Variants in FBXO11 observed in about 807,000 individuals in gnomAD.
FBXO11 encodes F-box only protein 11.
A neutral mutation model predicts 117.0 loss-of-function variants in FBXO11; 13 were observed. That is an observed-to-expected ratio of 0.11 (90% CI 0.07 to 0.18). FBXO11 has a LOEUF of 0.18. Ranked by LOEUF, FBXO11 falls within the 10% of genes least tolerant of loss-of-function variation. The probability of loss-of-function intolerance (pLI) is 1.00; values close to 1 mark genes in which losing one functional copy is unlikely to be tolerated. For missense variants in FBXO11, 767 were observed against 1,164.4 expected, an observed-to-expected ratio of 0.66 and a Z score of 4.97; for synonymous variants, 490 against 380.5, an observed-to-expected ratio of 1.29 and a Z score of -3.35.
chr2:47,862,776 CG>C (rs1674875575), intron 1 of FBXO11, among the ~76,000 whole-genome samples: 1 of 152,074 alleles, frequency 6.6e-6, no homozygotes, highest in Non-Finnish European at 1.5e-5. Flanking sequence ...CGTTTTCAGC[CG>C]GGCGTGGTGG....
chr2:47,856,043 C>A (rs1038792562), intron 1 of FBXO11, among the ~76,000 whole-genome samples: 1 of 152,084 alleles, frequency 6.6e-6, no homozygotes, highest in Non-Finnish European at 1.5e-5. Context: ...CCTAAGAGTT[C>A]GAGGCTGCAG....
intron 15 of FBXO11, 22 bp from the exon 16 acceptor site, chr2:47,818,886 A>G: frequency 1.3e-6 from 2 of 1,575,880 alleles, no homozygotes; most frequent in Non-Finnish European, 1.7e-6. Flanking sequence ...AAAAAAAAAA[A>G]AAGCTTTTTC....
intron 1 of FBXO11, among the ~76,000 whole-genome samples, chr2:47,901,113 GTACACACGTGTGTACATGTATATATA>G (rs1380887671): frequency 2.0e-4 from 17 of 84,562 alleles, no homozygotes; most frequent in East Asian, 8.3e-4. Flanking sequence ...ATGTATATAT[GTACACACGTGTGTACATGTATATATA>G]TACACACGTG....
Position 47,822,281 on chromosome 2 carries a change from T to G in FBXO11, c.1639A>C (p.Asn547His), listed in dbSNP as rs778310387. The G allele has an allele frequency of 6.3e-7, 1 of 1,591,362 alleles. No individual in the cohort carries two copies. Among genetic ancestry groups the G allele is most frequent in the Non-Finnish European group, 8.6e-7 (1 of 1,168,320 alleles). The change falls in exon 13 of 23, where the codon AAT (asparagine) becomes CAT (histidine). Residue 547 changes from asparagine (N) to histidine (H), a missense_variant. Transcript: ENST00000403359. ...TIRGNSIFNG[N>H]QGGVYIFGDG... ...CCAAAGATGTAAACTCCTCCTTGAT[T>G]TCCATTAAATATAGAATTTCCCCTA...
intron 13 of FBXO11, among the ~76,000 whole-genome samples, chr2:47,821,573 G>A (rs1242812908): frequency 2.0e-5 from 3 of 150,578 alleles, no homozygotes; most frequent in Non-Finnish European, 2.9e-5. Flanking sequence ...TTGCGCCACT[G>A]CACTCCAGCC....
chr2:47,854,303 G>A (rs902750634), intron 1 of FBXO11, among the ~76,000 whole-genome samples: 2 of 149,618 alleles, frequency 1.3e-5, no homozygotes, highest in African/African-American at 4.9e-5. Flanking sequence ...ATTCACTGTG[G>A]TCCCTACTGC....
chr2:47,856,772 A>G (rs1297468159), intron 1 of FBXO11, among the ~76,000 whole-genome samples: 2 of 152,250 alleles, frequency 1.3e-5, no homozygotes, highest in African/African-American at 4.8e-5. Flanking sequence ...TTCACTAACA[A>G]TAGGATAATT....
chr2:47,826,416 G>A (rs1671760214), intron 11 of FBXO11, among the ~76,000 whole-genome samples: 2 of 152,006 alleles, frequency 1.3e-5, no homozygotes, highest in Non-Finnish European at 1.5e-5. Flanking sequence ...TATCCAGAGG[G>A]CCCCACTTTT....
chr2:47,831,733 A>G (rs574662704), intron 11 of FBXO11, among the ~76,000 whole-genome samples: 3 of 152,328 alleles, frequency 2.0e-5, no homozygotes, highest in Admixed American at 6.5e-5. Context: ...TCATGTCTCT[A>G]GAAAATTATG....
chr2:47,887,910 C>G (rs1445386918), intron 1 of FBXO11, among the ~76,000 whole-genome samples: 5 of 151,890 alleles, frequency 3.3e-5, no homozygotes, highest in African/African-American at 1.2e-4. Flanking sequence ...TAGCTACTGG[C>G]GCAGAGGTGA....
intron 13 of FBXO11, among the ~76,000 whole-genome samples, chr2:47,820,813 G>C (rs1190614223): frequency 6.6e-6 from 1 of 151,912 alleles, no homozygotes; most frequent in African/African-American, 2.4e-5. Flanking sequence ...GTTGATGTGA[G>C]TATTATATGA....
intron 1 of FBXO11, among the ~76,000 whole-genome samples, chr2:47,901,076 C>CATATATATATAT (rs1678230137): frequency 7.7e-6 from 1 of 129,746 alleles, no homozygotes; most frequent in Admixed American, 7.5e-5. Flanking sequence ...TATATATACA[C>CATATATATATAT]ACGTGTGTAC....
In FBXO11 at chr2:47,879,947, T is replaced by C. The variant is rs148074301; in HGVS notation, c.232+25542A>G. Among the ~76,000 whole-genome samples the C allele has an allele frequency of 1.5e-3, 230 of 152,302 alleles. 1 individual carries two copies. The highest frequency in any genetic ancestry group is 5.2e-3 in the African/African-American group (215 of 41,576). On this transcript the variant is annotated intron_variant, in intron 1 of 22. Transcript: ENST00000403359. Reference sequence around the variant, plus strand: ...CACAACAAAATTTCCTTTCTAAAGTTTGAATAATATTTCATTGTATGTATA... The same window carrying C: ...CACAACAAAATTTCCTTTCTAAAGTCTGAATAATATTTCATTGTATGTATA...
At chr2:47,850,660 T>C (rs958782878) in intron 1 of FBXO11, among the ~76,000 whole-genome samples, 12 of 152,230 alleles carry the variant, frequency 7.9e-5, no homozygotes, top group Non-Finnish European at 1.5e-4. Flanking sequence ...AAAATGTCTG[T>C]GGGCCCAGAA....
At chr2:47,835,623 A>G (rs1235812466) in intron 5 of FBXO11, among the ~76,000 whole-genome samples, 2 of 152,010 alleles carry the variant, frequency 1.3e-5, no homozygotes, top group Non-Finnish European at 2.9e-5. Flanking sequence ...TTAGCCTCCG[A>G]AGTAGCTGGG....
At chr2:47,893,698 C>A (rs1001323050) in intron 1 of FBXO11, among the ~76,000 whole-genome samples, 4 of 152,014 alleles carry the variant, frequency 2.6e-5, no homozygotes, top group African/African-American at 9.7e-5. Context: ...ATTGGCAACC[C>A]AAATGATACA....
At position 47,892,925 on chromosome 2, in the gene FBXO11, G is replaced by A. The variant is rs1677370877; in HGVS notation, c.232+12564C>T. Among the ~76,000 whole-genome samples the A allele has an allele frequency of 2.6e-5, 4 of 151,984 alleles. No homozygotes were observed. The South Asian group carries it at 8.3e-4, about 31-fold the overall frequency. The stretch of plus-strand genomic sequence containing the variant: ...GCTAGGCTGCAACAACTTTTGAAGT[G>A]TGGTCCAAAGGTAATTCAATAAATA... On this transcript the variant is annotated intron_variant, in intron 1 of 22. Coordinates refer to ENST00000403359, the MANE Select transcript of FBXO11 (RefSeq NM_001190274.2).
At chr2:47,867,569 GA>G (rs1162190293) in intron 1 of FBXO11, among the ~76,000 whole-genome samples, 2 of 152,114 alleles carry the variant, frequency 1.3e-5, no homozygotes, top group African/African-American at 4.8e-5. Flanking sequence ...CGACACATAT[GA>G]AAAAGGTTAA....
chr2:47,878,677 T>A (rs1481181733), intron 1 of FBXO11, among the ~76,000 whole-genome samples: 3 of 147,404 alleles, frequency 2.0e-5, no homozygotes, highest in East Asian at 3.9e-4. Flanking sequence ...TTTTTTTTTT[T>A]AAAGGAATGA....
Sources: allele counts gnomAD v4.1 joint callset (sites outside exome capture counted in the v4.1 genomes callset), GRCh38; gene constraint gnomAD v4.1.1; transcripts MANE v1.5; gene names NCBI Gene and HGNC (gene_info 2026-07-23, HGNC 2026-07-21).